MDGA2: variants seen among roughly 807,000 people sequenced by gnomAD.
MDGA2 encodes MAM domain-containing glycosylphosphatidylinositol anchor protein 2.
Under a neutral mutation model 117.8 loss-of-function variants are expected in MDGA2, and 40 were observed. The ratio of observed to expected loss-of-function variants is 0.34; its 90% CI spans 0.26 to 0.44. MDGA2 has a LOEUF of 0.44. Among genes scored for constraint, MDGA2 ranks in the 20% least tolerant of loss-of-function variants. The pLI is 1.00. For synonymous variants in MDGA2, 452 were observed against 439.0 expected, an observed-to-expected ratio of 1.03 and a Z score of -0.37; for missense variants, 1,123 against 1,250.6, an observed-to-expected ratio of 0.90 and a Z score of 1.54.
At chr14:46,864,561 T>G (rs1393592042) in intron 14 of MDGA2, among the ~76,000 whole-genome samples, 3 of 123,914 alleles carry the variant, frequency 2.4e-5, no homozygotes, top group Admixed American at 8.5e-5. Flanking sequence ...TTTTTTTTTT[T>G]TTTTTTTTTT....
intron 1 of MDGA2, among the ~76,000 whole-genome samples, chr14:47,574,384 A>G (rs1229708091): frequency 6.6e-6 from 1 of 152,178 alleles, no homozygotes; most frequent in Non-Finnish European, 1.5e-5. Context: ...GGCTTGGCCC[A>G]GCAACGGAAC....
At chr14:47,386,256 C>T (rs570896128) in intron 1 of MDGA2, among the ~76,000 whole-genome samples, 393 of 151,732 alleles carry the variant, frequency 2.6e-3, no homozygotes, top group Middle Eastern at 6.8e-3. Flanking sequence ...CTCCAGTGTG[C>T]GCAACAAGAG....
intron 1 of MDGA2, among the ~76,000 whole-genome samples, chr14:47,387,786 T>C (rs1891795047): frequency 6.6e-6 from 1 of 152,162 alleles, no homozygotes; most frequent in Admixed American, 6.6e-5. Flanking sequence ...TATGACAACT[T>C]TGAAAGTCAT....
intron 8 of MDGA2, among the ~76,000 whole-genome samples, chr14:47,021,218 A>C (rs922943778): frequency 2.0e-5 from 3 of 152,304 alleles, no homozygotes; most frequent in Non-Finnish European, 4.4e-5. Context: ...ACAGTCTTTA[A>C]AACTAAGGAA....
At chr14:47,243,570 C>A (rs1028237995) in intron 2 of MDGA2, among the ~76,000 whole-genome samples, 1 of 151,196 alleles carries the variant, frequency 6.6e-6, no homozygotes, top group African/African-American at 2.4e-5. Flanking sequence ...CCAGGAGGAA[C>A]GAGCAACTCC....
At chr14:47,246,943 C>T (rs1422631197) in intron 2 of MDGA2, among the ~76,000 whole-genome samples, 28 of 151,594 alleles carry the variant, frequency 1.8e-4, no homozygotes, top group Non-Finnish European at 5.9e-5. Context: ...ATAATCTATC[C>T]GATGCCTATG....
intron 1 of MDGA2, among the ~76,000 whole-genome samples, chr14:47,438,177 CA>C (rs1256418790): frequency 2.6e-5 from 4 of 152,134 alleles, no homozygotes; most frequent in Non-Finnish European, 5.9e-5. Flanking sequence ...ACCATCTGTG[CA>C]TTGATTTAGC....
chr14:47,640,174 C>G (rs1038178369), intron 1 of MDGA2, among the ~76,000 whole-genome samples: 2 of 152,136 alleles, frequency 1.3e-5, no homozygotes, highest in African/African-American at 4.8e-5. Flanking sequence ...TTTCCTCACC[C>G]TCAAGTTTAA....
intron 1 of MDGA2, among the ~76,000 whole-genome samples, chr14:47,522,268 T>C (rs1894883199): frequency 6.6e-6 from 1 of 152,052 alleles, no homozygotes; most frequent in African/African-American, 2.4e-5. Flanking sequence ...CATAATGTTG[T>C]GTTTTAATTA....
At chr14:47,482,916 A>G (rs79133749) in intron 1 of MDGA2, among the ~76,000 whole-genome samples, 1 of 149,570 alleles carries the variant, frequency 6.7e-6, no homozygotes, top group Admixed American at 6.7e-5. Flanking sequence ...AAAAAAAAAA[A>G]GAGAAAAGGA....
chr14:47,674,146 C>A (rs990450909), intron 1 of MDGA2, among the ~76,000 whole-genome samples: 8 of 151,294 alleles, frequency 5.3e-5, no homozygotes, highest in African/African-American at 1.9e-4. Flanking sequence ...CTGGAAGCTT[C>A]CCTGGGGGGT....
At chr14:47,099,899 T>C (rs1439135588) in intron 5 of MDGA2, among the ~76,000 whole-genome samples, 4 of 152,046 alleles carry the variant, frequency 2.6e-5, no homozygotes, top group Non-Finnish European at 5.9e-5. Flanking sequence ...TTATCATTTA[T>C]TTACCCTCAC....
intron 10 of MDGA2, among the ~76,000 whole-genome samples, chr14:46,897,614 G>T (rs535011974): frequency 8.0e-5 from 9 of 112,384 alleles, no homozygotes; most frequent in Admixed American, 4.0e-4. Flanking sequence ...AGGATTAAAA[G>T]AATTAATATA....
chr14:47,153,175 C>T (rs1288487064), intron 3 of MDGA2, among the ~76,000 whole-genome samples: 1 of 152,166 alleles, frequency 6.6e-6, no homozygotes, highest in East Asian at 1.9e-4. Flanking sequence ...ATCATCCTAG[C>T]TCCTTCTGGA....
intron 3 of MDGA2, among the ~76,000 whole-genome samples, chr14:47,182,999 A>G (rs1201319640): frequency 2.0e-5 from 3 of 152,162 alleles, no homozygotes; most frequent in Non-Finnish European, 4.4e-5. Context: ...AATTATTTTT[A>G]GCTGACATAT....
chr14:46,904,888 G>A (rs1883429744), intron 10 of MDGA2, among the ~76,000 whole-genome samples: 1 of 152,046 alleles, frequency 6.6e-6, no homozygotes, highest in African/African-American at 2.4e-5. Flanking sequence ...ATTCACATTT[G>A]TACTATTAGA....
intron 5 of MDGA2, among the ~76,000 whole-genome samples, chr14:47,117,328 C>T (rs551189818): frequency 3.9e-5 from 6 of 152,190 alleles, no homozygotes; most frequent in African/African-American, 9.6e-5. Context: ...CAATGGAAAA[C>T]GATATAGAGG....
Position 47,667,338 on chromosome 14 carries a change from A to C in MDGA2, c.280+7179T>G, listed in dbSNP as rs186852677. Among the ~76,000 whole-genome samples, 39 of 152,288 alleles carry C rather than the reference A, an allele frequency of 2.6e-4. No individual in the cohort carries two copies. In the East Asian group the frequency reaches 4.6e-3, roughly 18 times the overall value. On this transcript the variant is annotated intron_variant, in intron 1 of 16. Coordinates refer to ENST00000399232, the MANE Select transcript of MDGA2 (RefSeq NM_001113498.3). ...CAACTCAGTTACACTCAGGAGTAAA[A>C]GACGGAATGCTCCAATGATCAATCT...
rs78385198 is a variant in MDGA2 at position 46,855,361 on chromosome 14, T to A, written c.2753-207A>T. Among the ~76,000 whole-genome samples the A allele has an allele frequency of 1.3e-5, 2 of 152,144 alleles. No homozygotes were observed. Among genetic ancestry groups the A allele is most frequent in the Non-Finnish European group, 2.9e-5 (2 of 68,012 alleles). On this transcript the variant is annotated intron_variant, in intron 14 of 16. Transcript: ENST00000399232. The surrounding 1 kb of genome is among the most constrained non-coding windows in gnomAD (Gnocchi z 4.1). ...AACCATCTCCTAATTCCCTAGAACA[T>A]GTGCATGTTGCCTGATATTGCAAAA... is the stretch of plus-strand genomic sequence containing the variant.
Sources: gnomAD v4.1 joint callset for allele counts (sites outside exome capture counted in the v4.1 genomes callset) on GRCh38, gnomAD v4.1.1 for gene constraint, Gnocchi (gnomAD v3.1) non-coding constraint, MANE v1.5 for transcripts, NCBI Gene and HGNC (gene_info 2026-07-23, HGNC 2026-07-21) for gene names.